The following MSRA variants were observed in gnomAD, a reference collection of about 807,000 sequenced individuals.
The protein encoded by MSRA is mitochondrial peptide methionine sulfoxide reductase.
In MSRA, 54 loss-of-function variants were observed where a neutral mutation model predicts 31.3. The observed-to-expected ratio is 1.73, with a 90% CI of 1.39 to 2.17. The LOEUF (loss-of-function observed/expected upper bound fraction) is 2.17, where lower values mean the gene tolerates loss of function less well. Ranked by LOEUF, MSRA falls within the 30% of genes most tolerant of loss-of-function variation. MSRA has a pLI of 0.00. For synonymous variants in MSRA, 169 were observed against 116.5 expected (o/e 1.45, Z -2.90); for missense variants, 507 against 300.9 (o/e 1.69, Z -5.07).
intron 1 of MSRA, among the ~76,000 whole-genome samples, chr8:10,071,924 G>A (rs1312244180): frequency 6.6e-6 from 1 of 152,188 alleles, no homozygotes; most frequent in Non-Finnish European, 1.5e-5. Context: ...ACAGAGAAGA[G>A]ACAGAGCAAG....
intron 1 of MSRA, among the ~76,000 whole-genome samples, chr8:10,153,679 A>G (rs756963242): frequency 1.3e-5 from 2 of 152,140 alleles, no homozygotes; most frequent in Non-Finnish European, 2.9e-5. Context: ...CCGTCTGAGA[A>G]ACCCATGAAG....
At chr8:10,072,784 G>A (rs755399412) in intron 1 of MSRA, among the ~76,000 whole-genome samples, 3 of 152,166 alleles carry the variant, frequency 2.0e-5, no homozygotes, top group Non-Finnish European at 4.4e-5. Flanking sequence ...TCAGCGTTTT[G>A]TAATTCTCAG....
At chr8:10,273,872 ATT>A (rs1412300956) in intron 3 of MSRA, among the ~76,000 whole-genome samples, 1 of 152,078 alleles carries the variant, frequency 6.6e-6, no homozygotes, top group Non-Finnish European at 1.5e-5. Context: ...CAACAGTGGG[ATT>A]TGGCACCTTC....
At chr8:10,154,875 A>C (rs1282543651) in intron 1 of MSRA, among the ~76,000 whole-genome samples, 2 of 151,846 alleles carry the variant, frequency 1.3e-5, no homozygotes, top group African/African-American at 4.8e-5. Flanking sequence ...GGAAAAAGGA[A>C]GTGTAGTTTT....
At chr8:10,354,134 A>T (rs755783075) in intron 5 of MSRA, among the ~76,000 whole-genome samples, 4 of 152,200 alleles carry the variant, frequency 2.6e-5, no homozygotes, top group Admixed American at 6.5e-5. Flanking sequence ...TTTGGTTAGC[A>T]TTAGAGTTTA....
intron 1 of MSRA, among the ~76,000 whole-genome samples, chr8:10,174,045 C>T (rs916945979): frequency 6.6e-6 from 1 of 152,122 alleles, no homozygotes; most frequent in African/African-American, 2.4e-5. Flanking sequence ...TAGCTTGGAA[C>T]TCTGGCTGAT....
chr8:10,091,228 T>A (rs183205042), intron 1 of MSRA, among the ~76,000 whole-genome samples: 35 of 152,352 alleles, frequency 2.3e-4, no homozygotes, highest in Middle Eastern at 3.4e-3. Context: ...ACGATATTGG[T>A]CTGTAGTGCT....
intron 1 of MSRA, among the ~76,000 whole-genome samples, chr8:10,108,315 A>G (rs990421892): frequency 1.3e-5 from 2 of 152,132 alleles, no homozygotes; most frequent in Non-Finnish European, 2.9e-5. Flanking sequence ...ATTCATTCAC[A>G]TTAACTCCTG....
intron 3 of MSRA, among the ~76,000 whole-genome samples, chr8:10,257,514 C>T (rs770851654): frequency 6.6e-6 from 1 of 152,192 alleles, no homozygotes; most frequent in Non-Finnish European, 1.5e-5. Flanking sequence ...TCAAGCGATT[C>T]TCCTGCCTCA....
At chr8:10,426,500 G>A (rs554922743) in intron 5 of MSRA, among the ~76,000 whole-genome samples, 2 of 152,352 alleles carry the variant, frequency 1.3e-5, no homozygotes, top group East Asian at 1.9e-4. Context: ...GCAGAGTCCT[G>A]CGCTCATCCT....
chr8:10,133,668 G>A (rs898820699), intron 1 of MSRA, among the ~76,000 whole-genome samples: 2 of 152,160 alleles, frequency 1.3e-5, no homozygotes, highest in African/African-American at 4.8e-5. Flanking sequence ...CTTAAAGGAC[G>A]AGACAGATGC....
intron 1 of MSRA, among the ~76,000 whole-genome samples, chr8:10,145,698 T>C (rs1415094562): frequency 6.6e-6 from 1 of 152,216 alleles, no homozygotes; most frequent in Non-Finnish European, 1.5e-5. Flanking sequence ...GTGTAAGACA[T>C]GGTGCCTCCC....
chr8:10,366,888 G>A (rs977015583), intron 5 of MSRA, among the ~76,000 whole-genome samples: 1 of 152,124 alleles, frequency 6.6e-6, no homozygotes, highest in Non-Finnish European at 1.5e-5. Context: ...TGTTGCCTCT[G>A]TGAAAGCCAC....
chr8:10,382,578 C>T (rs1438335944), intron 5 of MSRA, among the ~76,000 whole-genome samples: 2 of 152,138 alleles, frequency 1.3e-5, no homozygotes, highest in African/African-American at 4.8e-5. Flanking sequence ...AAAGGTGGTG[C>T]CAGGAGAGGG....
intron 5 of MSRA, among the ~76,000 whole-genome samples, chr8:10,392,092 T>C (rs551809128): frequency 6.6e-6 from 1 of 152,284 alleles, no homozygotes; most frequent in East Asian, 1.9e-4. Context: ...GGCTTCTTAG[T>C]GGAAGGCTCA....
chr8:10,149,433 T>C (rs908629745), intron 1 of MSRA, among the ~76,000 whole-genome samples: 3 of 152,184 alleles, frequency 2.0e-5, no homozygotes, highest in African/African-American at 7.2e-5. Flanking sequence ...TGAGAAATTC[T>C]TTATGCAACT....
intron 3 of MSRA, among the ~76,000 whole-genome samples, chr8:10,259,872 C>A (rs547766781): frequency 1.3e-5 from 2 of 152,204 alleles, no homozygotes; most frequent in Non-Finnish European, 2.9e-5. Context: ...CGCTGGTGTT[C>A]CTGACTCGGG....
intron 5 of MSRA, among the ~76,000 whole-genome samples, chr8:10,332,925 G>A (rs1376785379): frequency 2.0e-5 from 3 of 152,214 alleles, no homozygotes; most frequent in Non-Finnish European, 4.4e-5. Context: ...TTGCTGCAGT[G>A]GCAGGATATG....
chr8:10,116,964 G>A (rs966246763), intron 1 of MSRA, among the ~76,000 whole-genome samples: 1 of 152,188 alleles, frequency 6.6e-6, no homozygotes, highest in Non-Finnish European at 1.5e-5. Context: ...GAAACTCCAA[G>A]ATGGAGTTTT....
Sources: allele counts gnomAD v4.1 joint callset (sites outside exome capture counted in the v4.1 genomes callset), GRCh38; gene constraint gnomAD v4.1.1; transcripts MANE v1.5; gene names NCBI Gene and HGNC (gene_info 2026-07-23, HGNC 2026-07-21).